Variants in USP4 observed in about 807,000 individuals in gnomAD.
USP4 encodes the protein ubiquitin carboxyl-terminal hydrolase 4.
Under a neutral mutation model 118.2 loss-of-function variants are expected in USP4, and 72 were observed. That is an observed-to-expected ratio of 0.61 (90% CI 0.50 to 0.74). The LOEUF is 0.74. Ranked by LOEUF, USP4 falls within the 30% of genes least tolerant of loss-of-function variation. The pLI is 0.00. For synonymous variants in USP4, 415 were observed against 440.4 expected (o/e 0.94, Z 0.72); for missense variants, 1,037 against 1,185.7 (o/e 0.87, Z 1.84).
intron 15 of USP4, among the ~76,000 whole-genome samples, chr3:49,290,417 T>G (rs1335473821): frequency 1.3e-5 from 2 of 152,320 alleles, no homozygotes; most frequent in East Asian, 3.9e-4. Flanking sequence ...CATATAGAAA[T>G]AAATTAATTA....
Position 49,339,959 on chromosome 3 carries a change from G to A in USP4, c.66C>T (p.Pro22=), listed in dbSNP as rs1368243543. 2 of 1,613,126 alleles carry A rather than the reference G, an allele frequency of 1.2e-6. No individual in the cohort carries two copies. Among genetic ancestry groups the A allele is most frequent in the South Asian group, 1.1e-5 (1 of 91,082 alleles). ...CGCGTTGGAGTGTGGTCCTCATTAAGGGTCCAAGCTCGGACTTCTGAGTCT... is the reference window on the plus strand; with the variant it reads ...CGCGTTGGAGTGTGGTCCTCATTAAAGGTCCAAGCTCGGACTTCTGAGTCT... The part of the protein sequence containing the change: ...DAETQKSELG[P]LMRTTLQRGA... Residue 22 remains proline, a synonymous_variant, in exon 1 of 22, where the codon CCC becomes CCT. Transcript: ENST00000265560.
chr3:49,291,819 T>C (rs1223730830), intron 15 of USP4, among the ~76,000 whole-genome samples: 1 of 151,072 alleles, frequency 6.6e-6, no homozygotes, highest in Non-Finnish European at 1.5e-5. Flanking sequence ...GGTCCTTTTT[T>C]TTTTCTTTTT....
At chr3:49,339,785 C>A in intron 1 of USP4, 139 bp downstream of exon 1, 1 of 637,978 alleles carries the variant, frequency 1.6e-6, no homozygotes. Context: ...AGTTATTCTC[C>A]TGAGGGGCAG....
rs540103478 is a variant in USP4 at position 49,283,250 on chromosome 3, G to A, written c.2540+737C>T. 7.6e-3 allele frequency among the ~76,000 whole-genome samples: 1,159 copies of A among 151,916 alleles called. 17 individuals are homozygous for A. Among genetic ancestry groups the A allele is most frequent in the African/African-American group, 0.026 (1,075 of 41,410 alleles). On this transcript the variant is annotated intron_variant, in intron 19 of 21. Coordinates refer to ENST00000265560, the MANE Select transcript of USP4 (RefSeq NM_003363.4). ...AGGATGGTCTCGATCTCCAGACCTT[G>A]TGATCTGCCCACCTTGGCCTCCCAA...
At chr3:49,282,707 T>C (rs980513954) in intron 19 of USP4, among the ~76,000 whole-genome samples, 5 of 149,202 alleles carry the variant, frequency 3.4e-5, no homozygotes, top group Admixed American at 2.7e-4. Context: ...GGCAACTCCC[T>C]TTTTTTTTTC....
chr3:49,320,657 T>C (rs1435712104), intron 6 of USP4, among the ~76,000 whole-genome samples: 1 of 152,234 alleles, frequency 6.6e-6, no homozygotes, highest in Non-Finnish European at 1.5e-5. Flanking sequence ...GTCTTTAGTT[T>C]GGTAAATTTA....
At chr3:49,327,256 G>A (rs1426089463) in intron 3 of USP4, among the ~76,000 whole-genome samples, 3 of 152,248 alleles carry the variant, frequency 2.0e-5, no homozygotes, top group East Asian at 3.9e-4. Context: ...ACCAGAAACA[G>A]GCTGGGCGTA....
intron 6 of USP4, among the ~76,000 whole-genome samples, chr3:49,324,391 C>T (rs1273298932): frequency 1.3e-5 from 2 of 152,278 alleles, no homozygotes; most frequent in Middle Eastern, 3.4e-3. Context: ...AAAATAAAAG[C>T]GTGACAAAAA....
chr3:49,317,831 C>T (rs2047457503), intron 6 of USP4, among the ~76,000 whole-genome samples: 1 of 151,406 alleles, frequency 6.6e-6, no homozygotes, highest in African/African-American at 2.4e-5. Context: ...GGATTACAGG[C>T]ATGAGCCACT....
chr3:49,308,561 C>T (rs1448377684), intron 8 of USP4, among the ~76,000 whole-genome samples: 1 of 151,986 alleles, frequency 6.6e-6, no homozygotes. Context: ...CCTCATGATC[C>T]GCCCGCCTTG....
intron 1 of USP4, among the ~76,000 whole-genome samples, chr3:49,338,512 A>C (rs1252810913): frequency 2.0e-5 from 3 of 151,868 alleles, no homozygotes; most frequent in Non-Finnish European, 4.4e-5. Flanking sequence ...TACAAAAAAA[A>C]TTAGCCGGCC....
intron 6 of USP4, among the ~76,000 whole-genome samples, chr3:49,322,989 T>C (rs2047518022): frequency 6.6e-6 from 1 of 151,550 alleles, no homozygotes; most frequent in Admixed American, 6.6e-5. Context: ...TTTTTTGAGA[T>C]GGAGTTTCGC....
At chr3:49,300,896 C>A (rs938852913) in intron 10 of USP4, among the ~76,000 whole-genome samples, 6 of 152,066 alleles carry the variant, frequency 3.9e-5, no homozygotes, top group African/African-American at 1.4e-4. Flanking sequence ...CCCACCCCAA[C>A]ACACATATAT....
In USP4 at chr3:49,297,942, T is replaced by A; in HGVS notation, c.1619A>T (p.Asn540Ile). The change falls in exon 13 of 22, where the codon AAT becomes ATT. Residue 540 changes from asparagine (N) to isoleucine (I), a missense_variant. Physicochemically the swap from Asn to Ile is moderately radical, Grantham distance 149. Coordinates refer to ENST00000265560, the MANE Select transcript of USP4 (RefSeq NM_003363.4). ...AENMVVADVY[N>I]HRFHKIFQMD... ...TTGGAAAATTTTGTGGAATCGGTGA[T>A]TATACACATCTGCGACCACCATCTA... 1 of 1,613,734 alleles carries A rather than the reference T, an allele frequency of 6.2e-7. No individual in the cohort carries two copies. The highest frequency in any genetic ancestry group is 8.5e-7 in the Non-Finnish European group (1 of 1,179,682).
intron 7 of USP4, 80 bp downstream of exon 7, chr3:49,311,434 G>C: frequency 6.6e-7 from 1 of 1,506,628 alleles, no homozygotes; most frequent in Non-Finnish European, 9.1e-7. Context: ...TATGCTTAGT[G>C]GAGCAGCAGA....
intron 19 of USP4, 104 bp downstream of exon 19, chr3:49,283,883 T>A (rs775744093): frequency 1.4e-6 from 2 of 1,409,848 alleles, no homozygotes; most frequent in Non-Finnish European, 2.0e-6. Context: ...GCAACACACA[T>A]CCTTACTCAG....
chr3:49,326,691 G>A (rs1012096191), intron 3 of USP4, among the ~76,000 whole-genome samples: 5 of 136,724 alleles, frequency 3.7e-5, no homozygotes, highest in African/African-American at 8.1e-5. Flanking sequence ...CACCATGCAC[G>A]GCCTGATCAA....
At chr3:49,301,884 A>C (rs754948661) in intron 10 of USP4, among the ~76,000 whole-genome samples, 3 of 152,076 alleles carry the variant, frequency 2.0e-5, no homozygotes, top group Non-Finnish European at 2.9e-5. Context: ...TAAATGTCCT[A>C]ATGATACTAA....
In USP4 at chr3:49,302,414, C is replaced by G; in HGVS notation, c.1257G>C (p.Glu419Asp). Residue 419 changes from glutamate to aspartate, a missense_variant, in exon 10 of 22, where the codon GAG (glutamate) becomes GAC (aspartate). This residue lies in a region of USP4 where 487 missense variants were observed against 534.1 expected (regional missense o/e 0.91). Transcript: ENST00000265560. ...CTGGCCGCCCATTGGCATCCTTCAG[C>G]TCCAAGTAGGGCTTTTTCTTTACCC... ...LNRVKKKPYL[E>D]LKDANGRPDA... 6.2e-7 allele frequency: 1 copy of G among 1,614,040 alleles called. No homozygotes were observed. The highest frequency in any genetic ancestry group is 1.1e-5 in the South Asian group (1 of 91,046).
Sources: allele counts gnomAD v4.1 joint callset (sites outside exome capture counted in the v4.1 genomes callset), GRCh38; gene constraint gnomAD v4.1.1; regional missense constraint gnomAD v4.1.1; transcripts MANE v1.5; gene names NCBI Gene and HGNC (gene_info 2026-07-23, HGNC 2026-07-21).